The following GPC6 variants were observed in gnomAD, a reference collection of about 807,000 sequenced individuals.
GPC6 encodes glypican 6.
A neutral mutation model predicts 55.2 loss-of-function variants in GPC6; 14 were observed. The observed-to-expected ratio is 0.25, with a 90% CI of 0.17 to 0.40. The LOEUF (loss-of-function observed/expected upper bound fraction) is 0.40, where lower values mean the gene tolerates loss of function less well. Ranked by LOEUF, GPC6 falls within the 10% of genes least tolerant of loss-of-function variation. The pLI, the probability that GPC6 is intolerant of heterozygous loss-of-function variation, is 1.00. For synonymous variants in GPC6, 278 were observed against 259.6 expected, an observed-to-expected ratio of 1.07 and a Z score of -0.68; for missense variants, 641 against 708.5, an observed-to-expected ratio of 0.90 and a Z score of 1.08.
At chr13:94,386,353 CTG>C (rs1427785454) in intron 7 of GPC6, among the ~76,000 whole-genome samples, 1 of 142,262 alleles carries the variant, frequency 7.0e-6, no homozygotes, top group African/African-American at 2.7e-5. Context: ...GAGCAAGACT[CTG>C]TCTCAAAAAA....
At chr13:93,308,144 G>A (rs185893962) in intron 1 of GPC6, among the ~76,000 whole-genome samples, 63 of 152,156 alleles carry the variant, frequency 4.1e-4, no homozygotes, top group African/African-American at 1.4e-3. Context: ...AATTAGCCGG[G>A]CCTGGTGGCG....
chr13:93,270,364 T>C (rs1029964475), intron 1 of GPC6, among the ~76,000 whole-genome samples: 1 of 152,072 alleles, frequency 6.6e-6, no homozygotes, highest in African/African-American at 2.4e-5. Flanking sequence ...TTTATGTCTA[T>C]ATATACATGT....
At chr13:93,544,714 G>C (rs1162984267) in intron 1 of GPC6, among the ~76,000 whole-genome samples, 1 of 152,086 alleles carries the variant, frequency 6.6e-6, no homozygotes, top group Non-Finnish European at 1.5e-5. Flanking sequence ...CTTCTTTCTG[G>C]AGAATGTTTT....
At chr13:93,500,714 C>A (rs2388977) in intron 1 of GPC6, among the ~76,000 whole-genome samples, 38,814 of 151,990 alleles carry the variant, frequency 0.26, 5,129 homozygotes, top group South Asian at 0.3. Flanking sequence ...TGTTCTTGCA[C>A]CATGAGAGGG....
At chr13:93,456,472 A>G (rs566041798) in intron 1 of GPC6, among the ~76,000 whole-genome samples, 1 of 152,078 alleles carries the variant, frequency 6.6e-6, no homozygotes, top group Non-Finnish European at 1.5e-5. Flanking sequence ...TACTGTAACT[A>G]TTAGTTGTTC....
intron 1 of GPC6, among the ~76,000 whole-genome samples, chr13:93,410,667 A>C (rs897753286): frequency 1.3e-5 from 2 of 152,194 alleles, no homozygotes; most frequent in Admixed American, 1.3e-4. Flanking sequence ...CAGTATATTA[A>C]ATTAATGGAC....
chr13:93,854,860 A>G (rs1208948846), intron 3 of GPC6, among the ~76,000 whole-genome samples: 1 of 151,124 alleles, frequency 6.6e-6, no homozygotes, highest in Non-Finnish European at 1.5e-5. Flanking sequence ...TTTTAAAAGA[A>G]TAGACATTCT....
At chr13:93,945,979 T>A (rs562265330) in intron 3 of GPC6, among the ~76,000 whole-genome samples, 129 of 152,322 alleles carry the variant, frequency 8.5e-4, no homozygotes, top group Middle Eastern at 3.4e-3. Flanking sequence ...ACTCACAATA[T>A]AACTACAGAC....
chr13:94,102,217 T>A (rs1885890060), intron 4 of GPC6, among the ~76,000 whole-genome samples: 1 of 152,186 alleles, frequency 6.6e-6, no homozygotes. Flanking sequence ...CTGTTGTTAT[T>A]CTTTAATAAA....
intron 3 of GPC6, among the ~76,000 whole-genome samples, chr13:93,928,932 AT>A (rs1417968522): frequency 1.3e-4 from 18 of 141,948 alleles, no homozygotes; most frequent in Admixed American, 4.2e-4. Flanking sequence ...ATAAAAAAAA[AT>A]AGATATTTAA....
At chr13:93,578,659 A>T (rs1876791116) in intron 2 of GPC6, among the ~76,000 whole-genome samples, 1 of 146,710 alleles carries the variant, frequency 6.8e-6, no homozygotes. Flanking sequence ...TTTTTCCTGC[A>T]ATTTTTAAGT....
At position 94,403,229 on chromosome 13, in the gene GPC6, T is replaced by G; in HGVS notation, c.*12T>G. The G allele has an allele frequency of 5.6e-6, 9 of 1,596,802 alleles. No individual in the cohort carries two copies. Among genetic ancestry groups the G allele is most frequent in the Non-Finnish European group, 7.7e-6 (9 of 1,164,834 alleles). On this transcript the variant is annotated 3_prime_UTR_variant, in exon 9 of 9. Transcript: ENST00000377047. ...GACTGTGCAGATAATCTTGGGTTTT[T>G]GGTCAGATGAAACTGCATTTTAGCT...
intron 1 of GPC6, among the ~76,000 whole-genome samples, chr13:93,505,597 A>G (rs1880683614): frequency 6.6e-6 from 1 of 152,126 alleles, no homozygotes; most frequent in Admixed American, 6.5e-5. Context: ...CTGCTTAGGG[A>G]CATTAGACAG....
chr13:93,904,581 T>TA (rs1041574842), intron 3 of GPC6, among the ~76,000 whole-genome samples: 4 of 151,590 alleles, frequency 2.6e-5, no homozygotes, highest in Non-Finnish European at 5.9e-5. Context: ...CTAGAAAAAA[T>TA]AAAAAAATTA....
At chr13:94,235,742 A>G (rs999325899) in intron 4 of GPC6, among the ~76,000 whole-genome samples, 3 of 152,116 alleles carry the variant, frequency 2.0e-5, no homozygotes, top group African/African-American at 7.2e-5. Context: ...TGGTCCTTCA[A>G]CTCTTTGGGT....
chr13:94,050,365 A>G (rs1883898409), intron 4 of GPC6, among the ~76,000 whole-genome samples: 1 of 152,136 alleles, frequency 6.6e-6, no homozygotes, highest in African/African-American at 2.4e-5. Flanking sequence ...ATCCAATGAA[A>G]TTGTGAGAGC....
chr13:94,131,364 G>T (rs1404632359), intron 4 of GPC6, among the ~76,000 whole-genome samples: 1 of 152,024 alleles, frequency 6.6e-6, no homozygotes, highest in East Asian at 1.9e-4. Context: ...GCCTGTGATA[G>T]TTATTTCACT....
intron 4 of GPC6, among the ~76,000 whole-genome samples, chr13:94,094,985 A>C (rs1004411272): frequency 1.6e-4 from 25 of 152,128 alleles, no homozygotes; most frequent in African/African-American, 6.0e-4. Context: ...ATATAAATTT[A>C]ACTTGGCATC....
chr13:93,272,150 G>A (rs1434692625), intron 1 of GPC6, among the ~76,000 whole-genome samples: 1 of 151,860 alleles, frequency 6.6e-6, no homozygotes, highest in Non-Finnish European at 1.5e-5. Context: ...GGGGTAAATT[G>A]GATTGTATAA....
Sources: allele counts gnomAD v4.1 joint callset (sites outside exome capture counted in the v4.1 genomes callset), GRCh38; gene constraint gnomAD v4.1.1; transcripts MANE v1.5; gene names NCBI Gene and HGNC (gene_info 2026-07-23, HGNC 2026-07-21).